Variants in SERGEF observed in about 807,000 individuals in gnomAD.
The protein encoded by SERGEF is secretion-regulating guanine nucleotide exchange factor.
In SERGEF, 51 loss-of-function variants were observed where a neutral mutation model predicts 50.0. The observed-to-expected ratio is 1.02, with a 90% CI of 0.81 to 1.29. The LOEUF is 1.29. Ranked by LOEUF, SERGEF falls within the 50% of genes most tolerant of loss-of-function variation. The probability of loss-of-function intolerance (pLI) is 0.00; values close to 1 mark genes in which losing one functional copy is unlikely to be tolerated. For missense variants in SERGEF, 521 were observed against 557.0 expected (o/e 0.94, Z 0.65); for synonymous variants, 205 against 212.4 (o/e 0.97, Z 0.30).
At chr11:17,892,033 G>A (rs1217821886) in intron 9 of SERGEF, among the ~76,000 whole-genome samples, 2 of 152,186 alleles carry the variant, frequency 1.3e-5, no homozygotes, top group African/African-American at 4.8e-5. Context: ...GGGTGAAAAA[G>A]GGGAGGGGAA....
intron 7 of SERGEF, among the ~76,000 whole-genome samples, chr11:17,990,585 T>C (rs1853692607): frequency 6.6e-6 from 1 of 152,212 alleles, no homozygotes; most frequent in African/African-American, 2.4e-5. Flanking sequence ...AACCATCTTT[T>C]TGAAAGTCAA....
intron 10 of SERGEF, among the ~76,000 whole-genome samples, chr11:17,812,025 A>G (rs1207750511): frequency 6.6e-6 from 1 of 152,212 alleles, no homozygotes; most frequent in East Asian, 1.9e-4. Context: ...GTGCTTGCAG[A>G]GAAAAGGTCT....
intron 10 of SERGEF, chr11:17,856,585 T>G (rs900044588): frequency 2.0e-5 from 3 of 152,178 alleles, no homozygotes; most frequent in Admixed American, 6.5e-5. Flanking sequence ...CCCAAGTCCT[T>G]AAGCTGCAGA....
At chr11:17,846,580 A>G in intron 10 of SERGEF, 1 of 399,602 alleles carries the variant, frequency 2.5e-6, no homozygotes, top group Non-Finnish European at 5.0e-6. Context: ...TAATTAAAAA[A>G]TCACCTCCAG....
rs540561481 is a variant in SERGEF at position 17,961,733 on chromosome 11, T to G, written c.845-2097A>C. On this transcript the variant is annotated intron_variant, in intron 8 of 10. Coordinates refer to ENST00000265965, the MANE Select transcript of SERGEF (RefSeq NM_012139.4). ...CTCTCTGCGGAGGCCATAGACATTC[T>G]GGTTAAGACAAGTCCAGAAACCAGG... 2.0e-5 allele frequency among the ~76,000 whole-genome samples: 3 copies of G among 152,334 alleles called. No homozygotes were observed. The East Asian group carries it at 5.8e-4, about 29-fold the overall frequency.
chr11:17,793,659 T>C (rs1849523641), intron 10 of SERGEF, among the ~76,000 whole-genome samples: 1 of 152,248 alleles, frequency 6.6e-6, no homozygotes, highest in Admixed American at 6.5e-5. Flanking sequence ...GAGGGCTCTC[T>C]GCAGTGTGCT....
intron 10 of SERGEF, among the ~76,000 whole-genome samples, chr11:17,822,227 C>T (rs948457026): frequency 1.3e-5 from 2 of 152,194 alleles, no homozygotes; most frequent in African/African-American, 4.8e-5. Flanking sequence ...ACCCAGCAGG[C>T]AGGCAGCAGA....
At chr11:17,990,344 C>A (rs1853687473) in intron 7 of SERGEF, among the ~76,000 whole-genome samples, 1 of 152,180 alleles carries the variant, frequency 6.6e-6, no homozygotes, top group African/African-American at 2.4e-5. Context: ...TGGGGTGACC[C>A]TGCAACATTG....
intron 9 of SERGEF, among the ~76,000 whole-genome samples, chr11:17,925,462 G>A (rs934703875): frequency 6.6e-6 from 1 of 152,158 alleles, no homozygotes; most frequent in Non-Finnish European, 1.5e-5. Flanking sequence ...TGAAAAAGGG[G>A]GAGGGAGTGT....
chr11:17,941,424 G>A (rs892227004), intron 9 of SERGEF, among the ~76,000 whole-genome samples: 26 of 152,068 alleles, frequency 1.7e-4, no homozygotes, highest in African/African-American at 6.0e-4. Flanking sequence ...TTATCTTAAG[G>A]TCCTCAAGGT....
intron 10 of SERGEF, among the ~76,000 whole-genome samples, chr11:17,871,378 G>A (rs565920933): frequency 1.4e-3 from 209 of 150,554 alleles, no homozygotes; most frequent in African/African-American, 4.7e-3. Context: ...GGAGAATAGC[G>A]TGAACCCAGG....
At chr11:17,940,487 T>C (rs954846232) in intron 9 of SERGEF, among the ~76,000 whole-genome samples, 1 of 152,078 alleles carries the variant, frequency 6.6e-6, no homozygotes, top group Non-Finnish European at 1.5e-5. Context: ...AACAAGACAG[T>C]GTACATGTAG....
intron 9 of SERGEF, among the ~76,000 whole-genome samples, chr11:17,935,238 G>T (rs1025931833): frequency 5.9e-5 from 9 of 152,150 alleles, no homozygotes; most frequent in Non-Finnish European, 1.0e-4. Flanking sequence ...CAGCACCTTG[G>T]GTGGCCAAGG....
chr11:17,866,463 T>C (rs182283816), intron 10 of SERGEF, among the ~76,000 whole-genome samples: 6 of 152,188 alleles, frequency 3.9e-5, no homozygotes, highest in African/African-American at 9.6e-5. Context: ...ACACTTTATA[T>C]TGCTTATGAC....
intron 9 of SERGEF, chr11:17,939,384 G>A (rs901990128): frequency 1.2e-4 from 18 of 152,138 alleles, no homozygotes; most frequent in African/African-American, 3.1e-4. Flanking sequence ...CTCCCTCCCC[G>A]GTCTGATGGC....
intron 4 of SERGEF, 82 bp from the exon 5 acceptor site, chr11:18,000,639 G>T: frequency 1.0e-6 from 1 of 1,000,148 alleles, no homozygotes; most frequent in Non-Finnish European, 1.6e-6. Context: ...ATACAATGCA[G>T]TACGGTCCTC....
In SERGEF at chr11:18,006,630, G is replaced by T; in HGVS notation, c.313C>A (p.Gln105Lys). Residue 105 changes from glutamine (Q) to lysine (K), a missense_variant, in exon 3 of 11, where the codon CAG becomes AAG. Physicochemically the swap from Gln to Lys is moderately conservative, Grantham distance 53. Transcript: ENST00000265965. ...CKSLFGCPIQ[Q>K]VACGWDFTIM... ...GTAAAATCCCAGCCACAGGCCACCTGTTGGATGGGACAGCCAAAGAGGGAT... is the reference window on the plus strand; with the variant it reads ...GTAAAATCCCAGCCACAGGCCACCTTTTGGATGGGACAGCCAAAGAGGGAT... 6.2e-7 allele frequency: 1 copy of T among 1,614,132 alleles called. No homozygotes were observed. Among genetic ancestry groups the T allele is most frequent in the Non-Finnish European group, 8.5e-7 (1 of 1,180,004 alleles).
chr11:17,992,651 T>G (rs1853740775), intron 7 of SERGEF, among the ~76,000 whole-genome samples: 1 of 152,230 alleles, frequency 6.6e-6, no homozygotes, highest in Non-Finnish European at 1.5e-5. Flanking sequence ...ATTGTATAGT[T>G]AAGAAAGCAA....
At chr11:17,815,928 C>CA (rs1554996958) in intron 10 of SERGEF, among the ~76,000 whole-genome samples, 11 of 152,110 alleles carry the variant, frequency 7.2e-5, no homozygotes, top group Non-Finnish European at 1.3e-4. Context: ...CAAATAACAA[C>CA]AACAAACAAA....
Sources: gnomAD v4.1 joint callset for allele counts (sites outside exome capture counted in the v4.1 genomes callset) on GRCh38, gnomAD v4.1.1 for gene constraint, MANE v1.5 for transcripts, NCBI Gene and HGNC (gene_info 2026-07-23, HGNC 2026-07-21) for gene names.